The following ARAP1 variants were observed in gnomAD, a reference collection of about 807,000 sequenced individuals.
ARAP1 encodes the protein arf-GAP with Rho-GAP domain, ANK repeat and PH domain-containing protein 1.
A neutral mutation model predicts 172.2 loss-of-function variants in ARAP1; 76 were observed. The ratio of observed to expected loss-of-function variants is 0.44; its 90% CI spans 0.37 to 0.53. ARAP1 has a LOEUF of 0.53. Among genes scored for constraint, ARAP1 ranks in the 20% least tolerant of loss-of-function variants. The pLI is 0.00. For synonymous variants in ARAP1, 804 were observed against 803.3 expected (o/e 1.00, Z -0.01); for missense variants, 1,686 against 1,977.5 (o/e 0.85, Z 2.80).
At chr11:72,707,401 G>A in intron 11 of ARAP1, 27 bp from the exon 12 acceptor site, 1 of 1,593,662 alleles carries the variant, frequency 6.3e-7, no homozygotes, top group South Asian at 1.1e-5. Flanking sequence ...GGGGAGATTA[G>A]TGGGGATGGA....
chr11:72,749,568 C>G (rs1039357748), intron 1 of ARAP1, among the ~76,000 whole-genome samples: 1 of 152,166 alleles, frequency 6.6e-6, no homozygotes, highest in Non-Finnish European at 1.5e-5. Flanking sequence ...GTCCAGCACA[C>G]AGCAGGTACT....
intron 1 of ARAP1, among the ~76,000 whole-genome samples, chr11:72,745,245 G>C (rs1858322889): frequency 7.1e-6 from 1 of 140,442 alleles, no homozygotes; most frequent in Non-Finnish European, 1.5e-5. Flanking sequence ...CTGGAGTGCA[G>C]TGGCTCGATC....
rs970782073 is a variant in ARAP1 at position 72,714,025 on chromosome 11, G to A, written c.679+127C>T. On this transcript the variant is annotated intron_variant, in intron 4 of 34. Coordinates refer to ENST00000393609, the MANE Select transcript of ARAP1 (RefSeq NM_001040118.3). ...TCAGGGAGGCTGTGACCTGCCCGGG[G>A]CCACACAGTGGGCTGGTGGCAGGCT... 4.5e-6 allele frequency: 5 copies of A among 1,104,388 alleles called. No homozygotes were observed. In the African/African-American group the frequency reaches 6.6e-5, roughly 15 times the overall value. The allele number at this position is 1,104,388 out of a possible 1,614,324, so 68.4% of individuals were successfully genotyped here.
In ARAP1 at chr11:72,713,256, G is replaced by A. The variant is rs758755490; in HGVS notation, c.680-13C>T. The A allele has an allele frequency of 6.2e-7, 1 of 1,613,784 alleles. No homozygotes were observed. The highest frequency in any genetic ancestry group is 1.1e-5 in the South Asian group (1 of 91,058). The stretch of plus-strand genomic sequence containing the variant: ...TAGTCAGAGTCATCTGGTGAGAGAG[G>A]GGTTGGGGGGCCTCAGGGCAAGGGG... On this transcript the variant is annotated splice_polypyrimidine_tract_variant and intron_variant, in intron 4 of 34. Coordinates refer to ENST00000393609, the MANE Select transcript of ARAP1 (RefSeq NM_001040118.3).
At position 72,710,572 on chromosome 11, in the gene ARAP1, C is replaced by G; in HGVS notation, c.1229G>C (p.Trp410Ser). 6.2e-7 allele frequency: 1 copy of G among 1,608,180 alleles called. No homozygotes were observed. Among genetic ancestry groups the G allele is most frequent in the Non-Finnish European group, 8.5e-7 (1 of 1,179,544 alleles). ...RAESDVERKE[W>S]MQALQQAMAE... ...CATGGCCTGCTGCAGGGCCTGCATC[C>G]ACTCCTTCCGCTCCACTGCAGGAGA... The change falls in exon 10 of 35, where the codon TGG becomes TCG. Residue 410 changes from tryptophan (W) to serine (S), a missense_variant. Coordinates refer to ENST00000393609, the MANE Select transcript of ARAP1 (RefSeq NM_001040118.3). The surrounding 1 kb of genome is among the most constrained non-coding windows in gnomAD (Gnocchi z 4.3).
At chr11:72,686,823 T>C (rs1181095828) in intron 33 of ARAP1, among the ~76,000 whole-genome samples, 1 of 152,116 alleles carries the variant, frequency 6.6e-6, no homozygotes, top group African/African-American at 2.4e-5. Context: ...GACTCAAGCC[T>C]GCACCACACT....
At chr11:72,720,405 C>T (rs1022794153) in intron 3 of ARAP1, among the ~76,000 whole-genome samples, 1 of 152,180 alleles carries the variant, frequency 6.6e-6, no homozygotes, top group South Asian at 2.1e-4. Context: ...GCCTAGCCCC[C>T]AGCATAGACA....
chr11:72,726,698 A>G lies in ARAP1; in HGVS notation c.431T>C (p.Leu144Pro). 3 of 1,432,468 alleles carry G rather than the reference A, an allele frequency of 2.1e-6. No homozygotes were observed. Among genetic ancestry groups the G allele is most frequent in the Non-Finnish European group, 2.8e-6 (3 of 1,074,128 alleles). The allele number at this position is 1,432,468 out of a possible 1,614,324, so 88.7% of individuals were successfully genotyped here. ...TAAPDPVLPP[L>P]PAKRHLAELS... ...CTCTGCCAAATGCCGCTTAGCAGGC[A>G]GCGGGGGCAGCACAGGGTCTGGGGC... The change falls in exon 3 of 35, where the codon CTG becomes CCG. Residue 144 changes from leucine (L) to proline (P), a missense_variant. Physicochemically the swap from Leu to Pro is moderately conservative, Grantham distance 98 (BLOSUM62 -3). Coordinates refer to ENST00000393609, the MANE Select transcript of ARAP1 (RefSeq NM_001040118.3). The surrounding 1 kb of genome is among the most constrained non-coding windows in gnomAD (Gnocchi z 6.5).
rs1451504730 is a variant in ARAP1, at chr11:72,701,717, C to G, written c.2234G>C (p.Ser745Thr). ...KHYSVVLPTV[S>T]HSGFLYKTAS... ...AGTCTTGTAGAGGAAGCCACTGTGG[C>G]TCACGGTCGGCAGGACAACTGAGTA... The change falls in exon 16 of 35, where the codon AGC (serine) becomes ACC (threonine). Residue 745 changes from serine (S) to threonine (T), a missense_variant. By Grantham distance (58) the Ser-to-Thr change is moderately conservative. Transcript: ENST00000393609. The G allele has an allele frequency of 6.2e-7, 1 of 1,614,048 alleles. No homozygotes were observed. Among genetic ancestry groups the G allele is most frequent in the South Asian group, 1.1e-5 (1 of 91,090 alleles).
At position 72,697,205 on chromosome 11, in the gene ARAP1, G is replaced by C. The variant is rs746632462; in HGVS notation, c.2954-10C>G. 3 of 1,594,928 alleles carry C rather than the reference G, an allele frequency of 1.9e-6. No homozygotes were observed. The African/African-American group carries it at 4.0e-5, about 21-fold the overall frequency. On this transcript the variant is annotated splice_polypyrimidine_tract_variant and intron_variant, in intron 21 of 34. Coordinates refer to ENST00000393609, the MANE Select transcript of ARAP1 (RefSeq NM_001040118.3). ...CCCTCGGAGGTCAGGCCTAGGGAGG[G>C]GCGGGGCCAAGCGTTCGGGGCCTGA...
At chr11:72,692,693 C>A (rs1855989582) in intron 30 of ARAP1, 60 bp downstream of exon 30, 1 of 1,607,834 alleles carries the variant, frequency 6.2e-7, no homozygotes, top group Non-Finnish European at 8.5e-7. Flanking sequence ...ATGCTCCCAC[C>A]CAGCTCATTT....
chr11:72,737,857 C>A (rs1315118401), intron 1 of ARAP1, among the ~76,000 whole-genome samples: 1 of 152,222 alleles, frequency 6.6e-6, no homozygotes, highest in Non-Finnish European at 1.5e-5. Context: ...CTCCTGAGTT[C>A]ATGCGAGCTT....
chr11:72,713,300 G>T, intron 4 of ARAP1, 57 bp from the exon 5 acceptor site: 3 of 1,517,020 alleles, frequency 2.0e-6, no homozygotes, highest in Non-Finnish European at 2.7e-6. Flanking sequence ...CCTCTCCTGG[G>T]GCACCACACT....
chr11:72,721,918 C>T (rs1857528293), intron 3 of ARAP1: 11 of 986,058 alleles, frequency 1.1e-5, no homozygotes, highest in Non-Finnish European at 1.3e-5. Context: ...TGCGTATGCC[C>T]AAGAATGTCG....
intron 1 of ARAP1, among the ~76,000 whole-genome samples, chr11:72,749,682 G>T (rs1034347763): frequency 2.0e-5 from 3 of 152,046 alleles, no homozygotes; most frequent in Non-Finnish European, 4.4e-5. Context: ...AGGAGATTGA[G>T]ACCATCCTGG....
rs775877399 is a variant in ARAP1 at position 72,726,901 on chromosome 11, G to T, written c.228C>A (p.Arg76=). Residue 76 remains arginine, a synonymous_variant, in exon 3 of 35, where the codon CGC becomes CGA. Transcript: ENST00000393609. This position sits in a 1 kb window ranked among gnomAD's most constrained non-coding sequence, Gnocchi z 6.5. ...TCATGGGCACAGGCCGTGGGGTGGGGCGGGGTGCAGGGGCCGGTGAGGTAT... is the reference window on the plus strand; with the variant it reads ...TCATGGGCACAGGCCGTGGGGTGGGTCGGGGTGCAGGGGCCGGTGAGGTAT... ...RAHTSPAPAP[R]PTPRPVPMKR... 6.3e-7 allele frequency: 1 copy of T among 1,584,776 alleles called. No individual in the cohort carries two copies. The highest frequency in any genetic ancestry group is 8.6e-7 in the Non-Finnish European group (1 of 1,165,470).
intron 1 of ARAP1, among the ~76,000 whole-genome samples, chr11:72,733,779 G>A (rs1857934182): frequency 6.6e-6 from 1 of 152,192 alleles, no homozygotes; most frequent in South Asian, 2.1e-4. Context: ...GATTATCACT[G>A]CCTAGGATAG....
rs145307497 is a variant in ARAP1, at chr11:72,702,950, C to T, written c.2122G>A (p.Gly708Arg). 4 of 1,565,406 alleles carry T rather than the reference C, an allele frequency of 2.6e-6. No individual in the cohort carries two copies. Among genetic ancestry groups the T allele is most frequent in the African/African-American group, 2.7e-5 (2 of 73,864 alleles). Residue 708 changes from glycine to arginine, a missense_variant, in exon 15 of 35, where the codon GGG (glycine) becomes AGG (arginine). Gly to Arg is a moderately radical substitution (Grantham distance 125). Coordinates refer to ENST00000393609, the MANE Select transcript of ARAP1 (RefSeq NM_001040118.3). ...PTPLALAEQA[G>R]QTLQMEFLRN... ...AGGAATTCCATCTGCAGCGTCTGCCCCGCCTGCTCTGCAAGAGCCAGGGGC... is the reference window on the plus strand; with the variant it reads ...AGGAATTCCATCTGCAGCGTCTGCCTCGCCTGCTCTGCAAGAGCCAGGGGC...
intron 30 of ARAP1, among the ~76,000 whole-genome samples, chr11:72,690,752 G>A (rs903166457): frequency 6.6e-5 from 10 of 152,154 alleles, no homozygotes; most frequent in South Asian, 6.2e-4. Flanking sequence ...AGACAATGAC[G>A]TTTACTCTTG....
Sources: gnomAD v4.1 joint callset for allele counts (sites outside exome capture counted in the v4.1 genomes callset) on GRCh38, gnomAD v4.1.1 for gene constraint, Gnocchi (gnomAD v3.1) non-coding constraint, MANE v1.5 for transcripts, NCBI Gene and HGNC (gene_info 2026-07-23, HGNC 2026-07-21) for gene names.